DCX: variants seen among roughly 807,000 people sequenced by gnomAD.
DCX encodes the protein doublecortin.
DCX carries 4 observed loss-of-function variants against 20.9 expected under a neutral mutation model. The observed-to-expected ratio is 0.19, with a 90% confidence interval of 0.09 to 0.44. The LOEUF (loss-of-function observed/expected upper bound fraction) is 0.44, where lower values mean the gene tolerates loss of function less well. Among genes scored for constraint, DCX ranks in the 20% least tolerant of loss-of-function variants. DCX has a pLI of 0.99. For missense variants in DCX, 133 were observed against 296.9 expected (o/e 0.45, Z 4.06); for synonymous variants, 103 against 111.4 (o/e 0.92, Z 0.47).
At chrX:111,410,595 C>A in intron 1 of DCX, 175 bp from the exon 2 acceptor site, 6 of 837,174 alleles carry the variant, frequency 7.2e-6, no homozygotes, top group Non-Finnish European at 1.0e-5. Context: ...CCCTGACCTG[C>A]AGGAATATTG....
chrX:111,308,376 G>A (rs1042808753), intron 6 of DCX, among the ~76,000 whole-genome samples: 3 of 111,647 alleles, frequency 2.7e-5, no homozygotes, highest in African/African-American at 9.8e-5. Flanking sequence ...TTTCCCAAAC[G>A]TGCCCTGTGC....
At chrX:111,407,714 T>C (rs749160281) in intron 2 of DCX, among the ~76,000 whole-genome samples, 10 of 109,661 alleles carry the variant, frequency 9.1e-5, no homozygotes, top group Non-Finnish European at 1.9e-4. Context: ...ATCAAGGGAA[T>C]AGAAAGCTGC....
chrX:111,301,213 C>T lies in DCX; in HGVS notation c.*474G>A, dbSNP rs1265747018. 1 of 133,699 alleles carries T rather than the reference C, an allele frequency of 7.5e-6. No individual in the cohort carries two copies. Among genetic ancestry groups the T allele is most frequent in the Non-Finnish European group, 1.5e-5 (1 of 64,819 alleles). The allele number at this position is 133,699 out of a possible 1,213,427, so 11.0% of individuals were successfully genotyped here. The stretch of plus-strand genomic sequence containing the variant: ...GCTGGGGAGCTGCCTTGCTGTCCTT[C>T]CAGGGTCCTCCACCATTCTTGAGAT... On this transcript the variant is annotated 3_prime_UTR_variant, in exon 7 of 7. Coordinates refer to ENST00000636035, the MANE Select transcript of DCX (RefSeq NM_001195553.2).
At chrX:111,316,012 T>C (rs2095069923) in intron 5 of DCX, among the ~76,000 whole-genome samples, 1 of 59,236 alleles carries the variant, frequency 1.7e-5, no homozygotes, top group Non-Finnish European at 2.9e-5. Flanking sequence ...CGCACCAGCA[T>C]GGCACATGTA....
At chrX:111,405,458 A>T (rs910753417) in intron 2 of DCX, among the ~76,000 whole-genome samples, 2 of 111,709 alleles carry the variant, frequency 1.8e-5, no homozygotes, top group East Asian at 5.6e-4. Context: ...TGGTAAAAGA[A>T]CTGGATCATA....
intron 3 of DCX, among the ~76,000 whole-genome samples, chrX:111,354,430 A>G (rs1483773166): frequency 8.9e-6 from 1 of 112,177 alleles, no homozygotes; most frequent in East Asian, 2.8e-4. Context: ...TAAAACACAT[A>G]AAGAAATAAG....
chrX:111,341,826 G>T (rs190226378), intron 3 of DCX, among the ~76,000 whole-genome samples: 2 of 110,899 alleles, frequency 1.8e-5, no homozygotes, highest in East Asian at 5.7e-4. Context: ...AACAAATGCC[G>T]AGGGATTTCA....
intron 5 of DCX, among the ~76,000 whole-genome samples, chrX:111,323,670 C>G (rs1313486091): frequency 1.1e-5 from 1 of 91,090 alleles, no homozygotes; most frequent in African/African-American, 4.1e-5. Flanking sequence ...TTGGCCCTAT[C>G]CTGTTCTCTC....
intron 6 of DCX, among the ~76,000 whole-genome samples, chrX:111,303,073 T>C (rs1363171842): frequency 1.8e-5 from 2 of 110,551 alleles, no homozygotes; most frequent in Non-Finnish European, 3.8e-5. Context: ...GCATATGATA[T>C]GAGGTCTAGG....
At chrX:111,363,990 G>C (rs1000631052) in intron 3 of DCX, among the ~76,000 whole-genome samples, 5 of 112,154 alleles carry the variant, frequency 4.5e-5, no homozygotes, top group African/African-American at 1.6e-4. Flanking sequence ...GAATCTGACT[G>C]GCAGTACCTG....
intron 5 of DCX, among the ~76,000 whole-genome samples, chrX:111,315,236 A>G (rs2095067415): frequency 9.8e-6 from 1 of 101,944 alleles, no homozygotes; most frequent in Middle Eastern, 5.0e-3. Flanking sequence ...TTACAAGAAA[A>G]AAACAAACAA....
intron 3 of DCX, among the ~76,000 whole-genome samples, chrX:111,364,022 G>A (rs992713285): frequency 3.6e-5 from 4 of 112,160 alleles, no homozygotes; most frequent in Middle Eastern, 4.6e-3. Flanking sequence ...GCATGAAGAC[G>A]CAAGCACGGT....
At chrX:111,408,154 G>A (rs1403401731) in intron 2 of DCX, among the ~76,000 whole-genome samples, 1 of 111,411 alleles carries the variant, frequency 9.0e-6, no homozygotes, top group Admixed American at 9.6e-5. Context: ...CAGCTCCCTC[G>A]ACCTAGCTTC....
chrX:111,310,192 C>T (rs1215092168), intron 6 of DCX, among the ~76,000 whole-genome samples: 2 of 111,242 alleles, frequency 1.8e-5, no homozygotes, highest in East Asian at 2.8e-4. Context: ...ATTAGCCAGG[C>T]GTGGTGGCTG....
intron 3 of DCX, among the ~76,000 whole-genome samples, chrX:111,360,074 G>T (rs1292221848): frequency 1.8e-5 from 2 of 111,775 alleles, no homozygotes; most frequent in Non-Finnish European, 3.8e-5. Context: ...ACCTAAATAT[G>T]CAACAATAGG....
chrX:111,332,839 G>A (rs760061450), intron 4 of DCX, among the ~76,000 whole-genome samples: 1 of 111,512 alleles, frequency 9.0e-6, no homozygotes, highest in Non-Finnish European at 1.9e-5. Flanking sequence ...GTTTTATTGA[G>A]TTTGGAGCCT....
rs544063856 is a variant in DCX at position 111,381,996 on chromosome X, C to T, written c.705+18994G>A. On this transcript the variant is annotated intron_variant, in intron 3 of 6. Coordinates refer to ENST00000636035, the MANE Select transcript of DCX (RefSeq NM_001195553.2). The stretch of plus-strand genomic sequence containing the variant: ...TATTTTGAATATTATTTATAGCAGT[C>T]GTTCTCATGCTTTGGCAATAGTCAG... Among the ~76,000 whole-genome samples the T allele has an allele frequency of 4.0e-4, 45 of 111,734 alleles. No individual in the cohort carries two copies. In the South Asian group the frequency reaches 0.016, roughly 40 times the overall value.
Position 111,299,244 on chromosome X carries a change from T to C in DCX, c.*2443A>G, listed in dbSNP as rs941872623. The C allele has an allele frequency of 9.0e-6, 1 of 111,579 alleles. No homozygotes were observed. The highest frequency in any genetic ancestry group is 1.9e-5 in the Non-Finnish European group (1 of 53,148). 9.2% of individuals were successfully genotyped at this position (111,579 alleles called of 1,213,427 possible). ...TCCCCTGCTCCCTCCAAAATGGCCA[T>C]AAAGAAACATTTCCTTATACTCGAT... On this transcript the variant is annotated 3_prime_UTR_variant, in exon 7 of 7. Transcript: ENST00000636035.
chrX:111,313,404 G>A (rs1019116636), intron 5 of DCX, among the ~76,000 whole-genome samples: 3 of 110,401 alleles, frequency 2.7e-5, no homozygotes, highest in Non-Finnish European at 5.7e-5. Context: ...GCAGCAGAAT[G>A]GGCAGAGGAG....
Sources: gnomAD v4.1 joint callset for allele counts (sites outside exome capture counted in the v4.1 genomes callset) on GRCh38, gnomAD v4.1.1 for gene constraint, MANE v1.5 for transcripts, NCBI Gene and HGNC (gene_info 2026-07-23, HGNC 2026-07-21) for gene names.